LSMEM2: variants seen among roughly 807,000 people sequenced by gnomAD.
LSMEM2 encodes the protein leucine rich single-pass membrane protein 2.
LSMEM2 carries 20 observed loss-of-function variants against 17.3 expected under a neutral mutation model. The ratio of observed to expected loss-of-function variants is 1.16; its 90% CI spans 0.81 to 1.68. LSMEM2 has a LOEUF of 1.68. Ranked by LOEUF, LSMEM2 falls within the 40% of genes most tolerant of loss-of-function variation. The pLI, the probability that LSMEM2 is intolerant of heterozygous loss-of-function variation, is 0.00. For synonymous variants in LSMEM2, 94 were observed against 97.8 expected, an observed-to-expected ratio of 0.96 and a Z score of 0.23; for missense variants, 207 against 214.3, an observed-to-expected ratio of 0.97 and a Z score of 0.21.
intron 1 of LSMEM2, chr3:50,286,248 C>G (rs1372854916): frequency 3.1e-5 from 7 of 224,574 alleles, no homozygotes; most frequent in Non-Finnish European, 3.7e-5. Context: ...TGGAAGGAAA[C>G]AAATCAAATG....
At chr3:50,283,099 C>T (rs1553707969) in intron 1 of LSMEM2, among the ~76,000 whole-genome samples, 2 of 152,062 alleles carry the variant, frequency 1.3e-5, no homozygotes, top group African/African-American at 2.4e-5. Flanking sequence ...GCAGGAGAAT[C>T]GGTTGAACCT....
chr3:50,283,031 A>G (rs1701434761), intron 1 of LSMEM2, among the ~76,000 whole-genome samples: 1 of 151,810 alleles, frequency 6.6e-6, no homozygotes, highest in Non-Finnish European at 1.5e-5. Flanking sequence ...CTAAAAATAC[A>G]AAAATTAGCC....
Position 50,279,172 on chromosome 3 carries a change from G to A in LSMEM2, c.58+1G>A, listed in dbSNP as rs934399951. On this transcript the variant is annotated splice_donor_variant, in intron 1 of 3. Coordinates refer to ENST00000316436, the MANE Select transcript of LSMEM2 (RefSeq NM_153215.3). LOFTEE classifies it high-confidence loss of function. ...GCCATGCCTGAGGAGACCCAAGAAGGTAGGAGAGGGTGACCATGAGGGAGG... is the reference window on the plus strand; with the variant it reads ...GCCATGCCTGAGGAGACCCAAGAAGATAGGAGAGGGTGACCATGAGGGAGG... The A allele has an allele frequency of 2.5e-6, 4 of 1,614,096 alleles. No homozygotes were observed. The East Asian group carries it at 6.7e-5, about 27-fold the overall frequency.
intron 1 of LSMEM2, among the ~76,000 whole-genome samples, chr3:50,279,901 A>T (rs1165211084): frequency 6.7e-6 from 1 of 150,126 alleles, no homozygotes; most frequent in East Asian, 2.0e-4. Flanking sequence ...TTTGAGATGG[A>T]ATCTCGCTCT....
At chr3:50,279,285 C>T in intron 1 of LSMEM2, 114 bp downstream of exon 1, 1 of 941,856 alleles carries the variant, frequency 1.1e-6, no homozygotes, top group Non-Finnish European at 1.7e-6. Flanking sequence ...GTTAGTTACC[C>T]ATTTTCATGC....
At chr3:50,282,749 G>T (rs932637074) in intron 1 of LSMEM2, among the ~76,000 whole-genome samples, 1 of 152,160 alleles carries the variant, frequency 6.6e-6, no homozygotes, top group Non-Finnish European at 1.5e-5. Context: ...GCTGGGCATG[G>T]TGGCACGTGC....
chr3:50,282,524 T>C (rs1423891610), intron 1 of LSMEM2, among the ~76,000 whole-genome samples: 1 of 152,194 alleles, frequency 6.6e-6, no homozygotes, highest in African/African-American at 2.4e-5. Context: ...CAGGTGGGTA[T>C]CTGGAGCTCT....
chr3:50,279,082 C>T, upstream of LSMEM2: 1 of 1,612,116 alleles, frequency 6.2e-7, no homozygotes, highest in South Asian at 1.1e-5. Context: ...CACAAAGGAG[C>T]CACTGCTGCA....
intron 1 of LSMEM2, among the ~76,000 whole-genome samples, chr3:50,283,939 C>T (rs1553708069): frequency 6.6e-6 from 1 of 152,248 alleles, no homozygotes; most frequent in Non-Finnish European, 1.5e-5. Flanking sequence ...GGCATGGTGG[C>T]TTGCGCCTAT....
At chr3:50,286,285 A>ATATT (rs1209863910) in intron 1 of LSMEM2, 186 bp from the exon 2 acceptor site, 6 of 403,280 alleles carry the variant, frequency 1.5e-5, no homozygotes, top group Non-Finnish European at 3.4e-6. Context: ...ATACAGAATA[A>ATATT]GCCTGTAAGG....
At chr3:50,278,991 C>A, upstream of LSMEM2, 1 of 996,616 alleles carries the variant, frequency 1.0e-6, no homozygotes, top group East Asian at 2.6e-5. Context: ...TGAGGGCTGC[C>A]CCCTCTAAAT....
intron 1 of LSMEM2, among the ~76,000 whole-genome samples, chr3:50,282,688 C>T (rs1459343438): frequency 1.3e-5 from 2 of 151,274 alleles, no homozygotes; most frequent in Admixed American, 1.3e-4. Flanking sequence ...AGTTCAAGAC[C>T]AGCGTGGCCA....
chr3:50,278,454 C>G (rs1206268543), upstream of LSMEM2, among the ~76,000 whole-genome samples: 4 of 152,184 alleles, frequency 2.6e-5, no homozygotes, highest in African/African-American at 4.8e-5. Context: ...ACTGTTATTC[C>G]GACTTTACAC....
chr3:50,279,549 G>C (rs1701347257), intron 1 of LSMEM2, among the ~76,000 whole-genome samples: 1 of 152,218 alleles, frequency 6.6e-6, no homozygotes. Flanking sequence ...GTTCCAGAAA[G>C]CATTTGGGTA....
At chr3:50,281,406 CG>C (rs1356618734) in intron 1 of LSMEM2, among the ~76,000 whole-genome samples, 2 of 115,870 alleles carry the variant, frequency 1.7e-5, no homozygotes, top group Admixed American at 9.1e-5. Context: ...TCTGTCGCCC[CG>C]GGTGGAGTGC....
At position 50,286,162 on chromosome 3, in the gene LSMEM2, A is replaced by G. The variant is rs149441646; in HGVS notation, c.59-309A>G. On this transcript the variant is annotated intron_variant, in intron 1 of 3. Coordinates refer to ENST00000316436, the MANE Select transcript of LSMEM2 (RefSeq NM_153215.3). ...GGCAGGACTGAATTCCATTTGCTGC[A>G]GGTTTAGCATTCAAGGCTGATAAAC... 5.7e-3 allele frequency among the ~76,000 whole-genome samples: 869 copies of G among 152,346 alleles called. 9 individuals are homozygous for G. The highest frequency in any genetic ancestry group is 0.02 in the African/African-American group (821 of 41,574).
chr3:50,287,051 C>T lies in LSMEM2; in HGVS notation c.362-18C>T, dbSNP rs202017656. 1,173 of 1,613,672 alleles carry T rather than the reference C, an allele frequency of 7.3e-4. No individual in the cohort carries two copies. The highest frequency in any genetic ancestry group is 9.2e-4 in the Non-Finnish European group (1,080 of 1,179,628). On this transcript the variant is annotated intron_variant, in intron 3 of 3. Transcript: ENST00000316436. Reference sequence around the variant, plus strand: ...GGGGTGGCACATGGTCTGATGATCCCCCACTTCCCATTCACAGTGCTGCAG... The same window carrying T: ...GGGGTGGCACATGGTCTGATGATCCTCCACTTCCCATTCACAGTGCTGCAG...
chr3:50,285,054 C>T (rs947465152), intron 1 of LSMEM2, among the ~76,000 whole-genome samples: 6 of 151,802 alleles, frequency 4.0e-5, no homozygotes, highest in Admixed American at 1.3e-4. Flanking sequence ...AAAAACAGGC[C>T]GGGCACGGTG....
In LSMEM2 at chr3:50,287,226, G is replaced by A; in HGVS notation, c.*24G>A. The A allele has an allele frequency of 6.2e-7, 1 of 1,613,486 alleles. No individual in the cohort carries two copies. ...GAGATGCCATTTGGATCTGGGGCCT[G>A]GGGGTGTGTGTTGGTGGGGGAATAA... is the stretch of plus-strand genomic sequence containing the variant. On this transcript the variant is annotated 3_prime_UTR_variant, in exon 4 of 4. Transcript: ENST00000316436.
Sources: gnomAD v4.1 joint callset for allele counts (sites outside exome capture counted in the v4.1 genomes callset) on GRCh38, gnomAD v4.1.1 for gene constraint, MANE v1.5 for transcripts, NCBI Gene and HGNC (gene_info 2026-07-23, HGNC 2026-07-21) for gene names.